FSTL4: variants seen among roughly 807,000 people sequenced by gnomAD.
FSTL4 encodes follistatin-related protein 4.
FSTL4 carries 28 observed loss-of-function variants against 78.2 expected under a neutral mutation model. The observed-to-expected ratio is 0.36, with a 90% CI of 0.27 to 0.49. FSTL4 has a LOEUF of 0.49. FSTL4 is among the 20% of genes least tolerant of loss of function. The probability of loss-of-function intolerance (pLI) is 0.98; values close to 1 mark genes in which losing one functional copy is unlikely to be tolerated. For synonymous variants in FSTL4, 422 were observed against 440.5 expected (o/e 0.96, Z 0.53); for missense variants, 922 against 1,084.9 (o/e 0.85, Z 2.11).
the FSTL4 span, among the ~76,000 whole-genome samples, chr5:133,823,561 G>C: frequency 2.0e-5 from 3 of 152,312 alleles, no homozygotes; most frequent in African/African-American, 7.2e-5. Context: ...CAGCAGGTCT[G>C]AGAATAGCTC....
At chr5:133,694,128 T>C in the FSTL4 span, among the ~76,000 whole-genome samples, 7 of 152,330 alleles carry the variant, frequency 4.6e-5, no homozygotes, top group South Asian at 1.0e-3. Context: ...GACTGAAATA[T>C]TCCCTCCCAT....
the FSTL4 span, among the ~76,000 whole-genome samples, chr5:133,728,685 C>G: frequency 8.2e-6 from 1 of 122,072 alleles, no homozygotes; most frequent in African/African-American, 5.2e-5. Context: ...GAAATTGCAA[C>G]ATGGTATGAA....
At chr5:133,601,674 TTTTC>T (rs796910321) in intron 2 of FSTL4, among the ~76,000 whole-genome samples, 25 of 150,038 alleles carry the variant, frequency 1.7e-4, no homozygotes, top group African/African-American at 4.2e-4. Flanking sequence ...AGTTTTTTCT[TTTTC>T]TTTCTTTCTT....
intron 3 of FSTL4, among the ~76,000 whole-genome samples, chr5:133,484,061 TC>T (rs1360674352): frequency 1.3e-5 from 2 of 152,160 alleles, no homozygotes; most frequent in Non-Finnish European, 2.9e-5. Flanking sequence ...CCTTCTACCT[TC>T]CTCCACATAC....
chr5:133,494,069 T>G (rs1348452973), intron 3 of FSTL4, among the ~76,000 whole-genome samples: 1 of 152,212 alleles, frequency 6.6e-6, no homozygotes, highest in Non-Finnish European at 1.5e-5. Flanking sequence ...TTTTAAGCAC[T>G]TTAGCCATAC....
chr5:133,779,421 C>T, the FSTL4 span, among the ~76,000 whole-genome samples: 748 of 152,146 alleles, frequency 4.9e-3, 6 homozygotes, highest in Middle Eastern at 0.024. Context: ...CCCATTTCTA[C>T]TAAAAATACA....
chr5:133,620,378 C>A, the FSTL4 span, among the ~76,000 whole-genome samples: 88 of 152,268 alleles, frequency 5.8e-4, 1 homozygote, highest in South Asian at 3.5e-3. Context: ...AATTGTCACT[C>A]TATTTTTCTC....
chr5:133,294,384 A>G (rs1753339832), intron 6 of FSTL4, among the ~76,000 whole-genome samples: 2 of 152,136 alleles, frequency 1.3e-5, no homozygotes, highest in Non-Finnish European at 2.9e-5. Context: ...CTTCTGTAAA[A>G]TGGGCATAAA....
chr5:133,705,173 C>T, the FSTL4 span, among the ~76,000 whole-genome samples: 2 of 152,138 alleles, frequency 1.3e-5, no homozygotes, highest in Admixed American at 6.5e-5. Context: ...AAATTCTCTG[C>T]CTCAGCCTCC....
chr5:133,659,234 C>G, the FSTL4 span, among the ~76,000 whole-genome samples: 1 of 152,070 alleles, frequency 6.6e-6, no homozygotes, highest in Admixed American at 6.5e-5. Flanking sequence ...TTATTTCCCA[C>G]CCCAGCTCTG....
At chr5:133,517,914 T>C (rs543277492) in intron 3 of FSTL4, among the ~76,000 whole-genome samples, 3 of 152,328 alleles carry the variant, frequency 2.0e-5, no homozygotes, top group South Asian at 4.1e-4. Context: ...TTCCACTGAC[T>C]GGGTGAGGTC....
chr5:133,494,123 T>C (rs548245088), intron 3 of FSTL4, among the ~76,000 whole-genome samples: 30 of 152,328 alleles, frequency 2.0e-4, no homozygotes, highest in African/African-American at 6.3e-4. Context: ...GTAGGTATTA[T>C]TATCCATTTT....
chr5:133,568,831 T>A (rs947409320), intron 2 of FSTL4, among the ~76,000 whole-genome samples: 1 of 152,230 alleles, frequency 6.6e-6, no homozygotes, highest in Non-Finnish European at 1.5e-5. Flanking sequence ...AAAAAAACTA[T>A]GAAATTTTTG....
At chr5:133,569,156 T>G (rs418728) in intron 2 of FSTL4, among the ~76,000 whole-genome samples, 58,329 of 152,066 alleles carry the variant, frequency 0.38, 11,317 homozygotes, top group South Asian at 0.4. Flanking sequence ...TTTGTAATAG[T>G]TTTTCCATTG....
At chr5:133,348,668 C>T (rs73263727) in intron 4 of FSTL4, among the ~76,000 whole-genome samples, 5,901 of 152,330 alleles carry the variant, frequency 0.039, 266 homozygotes, top group African/African-American at 0.11. Flanking sequence ...ACTTCGCAAC[C>T]TGTGCCTCTC....
intron 6 of FSTL4, among the ~76,000 whole-genome samples, chr5:133,306,094 C>G (rs546015785): frequency 6.6e-6 from 1 of 152,200 alleles, no homozygotes; most frequent in South Asian, 2.1e-4. Context: ...CCTGCCAGGG[C>G]CCAGCATGGA....
intron 12 of FSTL4, 26 bp from the exon 13 acceptor site, chr5:133,217,404 AT>A (rs1750945906): frequency 6.2e-7 from 1 of 1,610,496 alleles, no homozygotes; most frequent in Non-Finnish European, 8.5e-7. Context: ...GCTGTCATAT[AT>A]CTTCTTAATT....
the FSTL4 span, among the ~76,000 whole-genome samples, chr5:133,715,580 G>A: frequency 3.9e-5 from 6 of 152,174 alleles, no homozygotes; most frequent in Admixed American, 3.9e-4. Flanking sequence ...GGGAAAGAGG[G>A]CAGATTAACT....
chr5:133,806,868 C>T, the FSTL4 span, among the ~76,000 whole-genome samples: 1 of 152,180 alleles, frequency 6.6e-6, no homozygotes, highest in East Asian at 1.9e-4. Flanking sequence ...AGACAAGTAC[C>T]CCAGATGATC....
Sources: gnomAD v4.1 joint callset for allele counts (sites outside exome capture counted in the v4.1 genomes callset) on GRCh38, gnomAD v4.1.1 for gene constraint, MANE v1.5 for transcripts, NCBI Gene and HGNC (gene_info 2026-07-23, HGNC 2026-07-21) for gene names.